ELMO1: variants seen among roughly 807,000 people sequenced by gnomAD.
The protein encoded by ELMO1 is engulfment and cell motility 1.
A neutral mutation model predicts 98.9 loss-of-function variants in ELMO1; 26 were observed. That is an observed-to-expected ratio of 0.26 (90% CI 0.19 to 0.36). The LOEUF (loss-of-function observed/expected upper bound fraction) is 0.36. Among genes scored for constraint, ELMO1 ranks in the 10% least tolerant of loss-of-function variants. ELMO1 has a pLI of 1.00. For missense variants in ELMO1, 627 were observed against 935.2 expected, an observed-to-expected ratio of 0.67 and a Z score of 4.30; for synonymous variants, 346 against 346.0, an observed-to-expected ratio of 1.00 and a Z score of 0.00.
intron 16 of ELMO1, chr7:36,986,263 ATTTAG>A: frequency 2.0e-6 from 2 of 985,394 alleles, no homozygotes; most frequent in Non-Finnish European, 2.4e-6. Context: ...CTGCTCATTT[ATTTAG>A]CATCTTCAGA....
At chr7:37,211,909 C>T (rs886955023) in intron 12 of ELMO1, among the ~76,000 whole-genome samples, 1 of 152,144 alleles carries the variant, frequency 6.6e-6, no homozygotes, top group African/African-American at 2.4e-5. Context: ...TGCCTCACCC[C>T]ACTAAGTTAC....
chr7:37,035,100 C>G (rs1795105446), intron 15 of ELMO1, among the ~76,000 whole-genome samples: 1 of 152,152 alleles, frequency 6.6e-6, no homozygotes, highest in Non-Finnish European at 1.5e-5. Flanking sequence ...ATTTTCCATT[C>G]CCCCATGATA....
intron 1 of ELMO1, among the ~76,000 whole-genome samples, chr7:37,349,150 C>T (rs1436903477): frequency 1.3e-5 from 2 of 152,188 alleles, no homozygotes; most frequent in East Asian, 1.9e-4. Context: ...GCTGGAGAAA[C>T]GATCTGCTTC....
chr7:37,169,170 C>T (rs375730575), intron 13 of ELMO1, among the ~76,000 whole-genome samples: 16 of 152,174 alleles, frequency 1.1e-4, no homozygotes, highest in African/African-American at 1.4e-4. Context: ...TCTCCTGGTG[C>T]GCCGTTTTTT....
In ELMO1 at chr7:36,855,287, T is replaced by C. The variant is rs1031836372; in HGVS notation, c.*264A>G. On this transcript the variant is annotated 3_prime_UTR_variant, in exon 22 of 22. Transcript: ENST00000310758. The surrounding 1 kb of genome is among the most constrained non-coding windows in gnomAD (Gnocchi z 4.2). ...GGCCCTTTGGCCTTCTTACTGGCAG[T>C]GGGCTTTGCTCTTGTCCCACCAGTG... is the stretch of plus-strand genomic sequence containing the variant. 3 of 496,898 alleles carry C rather than the reference T, an allele frequency of 6.0e-6. No individual in the cohort carries two copies. Among genetic ancestry groups the C allele is most frequent in the Non-Finnish European group, 1.1e-5 (3 of 272,946 alleles). 30.8% of individuals were successfully genotyped at this position (496,898 alleles called of 1,614,324 possible). A position where few individuals can be genotyped will look rare whatever the true frequency, so the allele number is the denominator to read the frequency against.
At chr7:36,959,328 C>T (rs544888441) in intron 16 of ELMO1, among the ~76,000 whole-genome samples, 21 of 152,202 alleles carry the variant, frequency 1.4e-4, no homozygotes, top group East Asian at 3.9e-4. Context: ...CATGTCACTC[C>T]GGTGCTCAAA....
intron 16 of ELMO1, among the ~76,000 whole-genome samples, chr7:36,942,898 T>A (rs566201070): frequency 6.6e-6 from 1 of 152,164 alleles, no homozygotes; most frequent in Non-Finnish European, 1.5e-5. Context: ...GAAGAAAAGA[T>A]GTCCAAGGAT....
chr7:37,290,128 G>A (rs529184456), intron 4 of ELMO1, among the ~76,000 whole-genome samples: 9 of 152,322 alleles, frequency 5.9e-5, no homozygotes, highest in African/African-American at 1.9e-4. Flanking sequence ...CTTACTCTCT[G>A]CCATGAATGT....
At position 36,895,033 on chromosome 7, in the gene ELMO1, A is replaced by C; in HGVS notation, c.1438-16T>G. The stretch of plus-strand genomic sequence containing the variant: ...CCTGCATTACCTGAAGATGAAAGGA[A>C]GACCATCATTTTCCTGGGGGCTGAC... On this transcript the variant is annotated splice_polypyrimidine_tract_variant and intron_variant, in intron 16 of 21. Transcript: ENST00000310758. The C allele has an allele frequency of 6.2e-7, 1 of 1,611,734 alleles. No homozygotes were observed. Among genetic ancestry groups the C allele is most frequent in the Non-Finnish European group, 8.5e-7 (1 of 1,179,106 alleles).
At chr7:37,069,278 A>G (rs1010089194) in intron 15 of ELMO1, among the ~76,000 whole-genome samples, 1 of 152,206 alleles carries the variant, frequency 6.6e-6, no homozygotes, top group African/African-American at 2.4e-5. Flanking sequence ...TACACCTTAC[A>G]AGTCTGGTCC....
At position 37,171,785 on chromosome 7, in the gene ELMO1, C is replaced by A. The variant is rs183898820; in HGVS notation, c.1087-38551G>T. ...GGGATTACAGGCGTGAGCCACCACG[C>A]CTGGCCGCCTTTCTCTTCTAATACA... On this transcript the variant is annotated intron_variant, in intron 13 of 21. Transcript: ENST00000310758. 5.9e-3 allele frequency among the ~76,000 whole-genome samples: 905 copies of A among 152,156 alleles called. 4 individuals carry two copies. The highest frequency in any genetic ancestry group is 9.1e-3 in the Non-Finnish European group (620 of 67,990).
chr7:37,395,106 C>T (rs1803235314), intron 1 of ELMO1, among the ~76,000 whole-genome samples: 1 of 152,090 alleles, frequency 6.6e-6, no homozygotes, highest in Admixed American at 6.5e-5. Flanking sequence ...TGGCTCATGC[C>T]TGTAATCCCA....
chr7:37,442,307 C>T (rs139027072), intron 1 of ELMO1, among the ~76,000 whole-genome samples: 289 of 152,284 alleles, frequency 1.9e-3, no homozygotes, highest in Non-Finnish European at 3.4e-3. Context: ...GCCTCAGCAT[C>T]GCCCAAAGGA....
intron 15 of ELMO1, among the ~76,000 whole-genome samples, chr7:37,081,777 T>C (rs943456504): frequency 3.9e-5 from 6 of 152,062 alleles, no homozygotes; most frequent in Non-Finnish European, 4.4e-5. Flanking sequence ...AGCATGAAAA[T>C]GGACTAATAC....
In ELMO1 at chr7:36,895,429, A is replaced by T. The variant is rs1805912774; in HGVS notation, c.1438-412T>A. Among the ~76,000 whole-genome samples the T allele has an allele frequency of 2.0e-5, 3 of 152,282 alleles. No homozygotes were observed. The South Asian group carries it at 6.2e-4, about 32-fold the overall frequency. On this transcript the variant is annotated intron_variant, in intron 16 of 21. Transcript: ENST00000310758. ...GGAGAAAATCGCTGAGATACAATTAACTGTGGAAGTTTGGCTGGAGCTGGT... is the reference window on the plus strand; with the variant it reads ...GGAGAAAATCGCTGAGATACAATTATCTGTGGAAGTTTGGCTGGAGCTGGT...
intron 2 of ELMO1, among the ~76,000 whole-genome samples, chr7:37,321,716 C>CAAA (rs565421716): frequency 5.6e-4 from 37 of 65,986 alleles, no homozygotes; most frequent in Non-Finnish European, 6.9e-4. Context: ...GACTCCGTCT[C>CAAA]AAAAAAAAAA....
intron 4 of ELMO1, among the ~76,000 whole-genome samples, chr7:37,279,516 C>G (rs1797029231): frequency 6.6e-6 from 1 of 152,168 alleles, no homozygotes; most frequent in Admixed American, 6.5e-5. Context: ...TGTGAGTGCC[C>G]CAACTGTGGA....
chr7:37,276,463 T>C (rs1448999104), intron 4 of ELMO1, among the ~76,000 whole-genome samples: 1 of 151,852 alleles, frequency 6.6e-6, no homozygotes, highest in East Asian at 1.9e-4. Context: ...AAAAAAAAAT[T>C]AGCCGGGCGT....
At chr7:37,171,743 C>T (rs954975153) in intron 13 of ELMO1, among the ~76,000 whole-genome samples, 4 of 151,932 alleles carry the variant, frequency 2.6e-5, no homozygotes, top group Admixed American at 6.6e-5. Flanking sequence ...CTGCCCACCT[C>T]GGCCTCCCAA....
Sources: allele counts gnomAD v4.1 joint callset (sites outside exome capture counted in the v4.1 genomes callset), GRCh38; gene constraint gnomAD v4.1.1; non-coding constraint Gnocchi (gnomAD v3.1); transcripts MANE v1.5; gene names NCBI Gene and HGNC (gene_info 2026-07-23, HGNC 2026-07-21).